Variants in DPY19L4 observed in about 807,000 individuals in gnomAD.
DPY19L4 encodes probable C-mannosyltransferase DPY19L4.
In DPY19L4, 97 loss-of-function variants were observed where a neutral mutation model predicts 102.8. That is an observed-to-expected ratio of 0.94 (90% confidence interval 0.80 to 1.12). The LOEUF (loss-of-function observed/expected upper bound fraction) is 1.12. Among genes scored for constraint, DPY19L4 ranks in the 50% most tolerant of loss-of-function variants. The pLI is 0.00. For synonymous variants in DPY19L4, 252 were observed against 283.1 expected (o/e 0.89, Z 1.10); for missense variants, 815 against 850.4 (o/e 0.96, Z 0.52).
chr8:94,773,139 G>A (rs980539865), intron 13 of DPY19L4, among the ~76,000 whole-genome samples: 1 of 151,232 alleles, frequency 6.6e-6, no homozygotes, highest in Non-Finnish European at 1.5e-5. Context: ...GCTTGAACCC[G>A]GGAGGCGGAG....
chr8:94,755,659 T>C (rs1563593565), intron 6 of DPY19L4, among the ~76,000 whole-genome samples: 1 of 149,328 alleles, frequency 6.7e-6, no homozygotes, highest in Non-Finnish European at 1.5e-5. Context: ...CTTTGGGAGG[T>C]CGAGGCGGGT....
Position 94,783,752 on chromosome 8 carries a change from A to G in DPY19L4, c.1798A>G (p.Thr600Ala), listed in dbSNP as rs1813534252. 6.2e-7 allele frequency: 1 copy of G among 1,614,184 alleles called. No homozygotes were observed. The highest frequency in any genetic ancestry group is 2.2e-5 in the East Asian group (1 of 44,872). Residue 600 changes from threonine to alanine, a missense_variant, in exon 17 of 19, where the codon ACA (threonine) becomes GCA (alanine). By Grantham distance (58) the Thr-to-Ala change is moderately conservative. Transcript: ENST00000414645. Reference protein sequence around the residue: ...AIKLCTGWMVTSLPLYNDDDL... With the variant: ...AIKLCTGWMVASLPLYNDDDL... ...TAAATTATGCACTGGATGGATGGTG[A>G]CAAGTTTGCCTCTTTACAATGATGA...
At chr8:94,783,901 C>A in intron 17 of DPY19L4, 99 bp downstream of exon 17, 3 of 1,337,880 alleles carry the variant, frequency 2.2e-6, no homozygotes, top group South Asian at 1.6e-5. Context: ...CTAGGAAAGT[C>A]CAAACAATTT....
At position 94,736,934 on chromosome 8, in the gene DPY19L4, G is replaced by C. The variant is rs78440573; in HGVS notation, c.253-1435G>C. ...TTGCTATTCTTAGGGCATGTCTTGTGGTTTTCCTTCTAGATTTTCCGGATA... is the reference window on the plus strand; with the variant it reads ...TTGCTATTCTTAGGGCATGTCTTGTCGTTTTCCTTCTAGATTTTCCGGATA... On this transcript the variant is annotated intron_variant, in intron 3 of 18. Coordinates refer to ENST00000414645, the MANE Select transcript of DPY19L4 (RefSeq NM_181787.3). Among the ~76,000 whole-genome samples, 34 of 152,080 alleles carry C rather than the reference G, an allele frequency of 2.2e-4. No individual in the cohort carries two copies. In the East Asian group the frequency reaches 5.8e-3, roughly 26 times the overall value.
intron 2 of DPY19L4, among the ~76,000 whole-genome samples, chr8:94,730,740 T>C (rs1351098653): frequency 1.4e-5 from 2 of 140,660 alleles, no homozygotes; most frequent in Admixed American, 1.4e-4. Flanking sequence ...AGCGAAACTC[T>C]GTCTCTTTTT....
At chr8:94,782,625 G>GA (rs1563617147) in intron 16 of DPY19L4, among the ~76,000 whole-genome samples, 1 of 151,756 alleles carries the variant, frequency 6.6e-6, no homozygotes, top group Non-Finnish European at 1.5e-5. Context: ...AAAAAGACCA[G>GA]AAAAATATGG....
intron 6 of DPY19L4, among the ~76,000 whole-genome samples, chr8:94,752,991 G>GTA (rs1238212657): frequency 6.9e-6 from 1 of 145,794 alleles, no homozygotes; most frequent in Non-Finnish European, 1.5e-5. Context: ...GGTTTTCTAT[G>GTA]TACACAGTAT....
intron 6 of DPY19L4, among the ~76,000 whole-genome samples, chr8:94,742,415 C>T (rs1169036677): frequency 6.6e-6 from 1 of 151,936 alleles, no homozygotes. Flanking sequence ...CTTTTTGAGA[C>T]AGAGTCTTAC....
intron 6 of DPY19L4, among the ~76,000 whole-genome samples, chr8:94,749,147 A>G (rs1040234838): frequency 3.3e-5 from 5 of 152,126 alleles, no homozygotes; most frequent in Non-Finnish European, 5.9e-5. Context: ...CCATGATTCA[A>G]TTACCTCCCA....
At chr8:94,774,039 TAAAAAAAAAAA>T (rs79751438) in intron 13 of DPY19L4, among the ~76,000 whole-genome samples, 2 of 102,782 alleles carry the variant, frequency 1.9e-5, no homozygotes, top group Admixed American at 1.2e-4. Context: ...TGTCTTTAGT[TAAAAAAAAAAA>T]AAAAAAAAAA....
chr8:94,765,718 T>C lies in DPY19L4; in HGVS notation c.1010T>C (p.Val337Ala), dbSNP rs752179534. 8.1e-6 allele frequency: 13 copies of C among 1,598,362 alleles called. No individual in the cohort carries two copies. Among genetic ancestry groups the C allele is most frequent in the Non-Finnish European group, 1.1e-5 (13 of 1,170,818 alleles). ...ATGATTTTTCCTCCACAGCTGAATG[T>C]GAAGAAAGGAAGTTTTGTAGCTAAA... is the stretch of plus-strand genomic sequence containing the variant. ...LMLAKCLQLN[V>A]KKGSFVAKII... Residue 337 changes from valine to alanine, a missense_variant, in exon 10 of 19, where the codon GTG becomes GCG. Val to Ala is a moderately conservative substitution (Grantham distance 64). Transcript: ENST00000414645.
chr8:94,788,857 C>T (rs979726614), intron 18 of DPY19L4, among the ~76,000 whole-genome samples: 5 of 152,200 alleles, frequency 3.3e-5, no homozygotes, highest in African/African-American at 4.8e-5. Context: ...CCTAAATAAT[C>T]ATAGCTCTTT....
At chr8:94,762,053 A>G (rs1374773354) in intron 8 of DPY19L4, among the ~76,000 whole-genome samples, 1 of 152,228 alleles carries the variant, frequency 6.6e-6, no homozygotes, top group Non-Finnish European at 1.5e-5. Flanking sequence ...TGAAAGTTTC[A>G]TAGAGATCGC....
At chr8:94,772,367 A>G (rs916235789) in intron 13 of DPY19L4, among the ~76,000 whole-genome samples, 2 of 152,164 alleles carry the variant, frequency 1.3e-5, no homozygotes, top group Non-Finnish European at 2.9e-5. Context: ...CTCAGGCTTG[A>G]TAACTAACAA....
chr8:94,785,823 G>T (rs1028402584), intron 17 of DPY19L4, among the ~76,000 whole-genome samples: 1 of 152,132 alleles, frequency 6.6e-6, no homozygotes, highest in Admixed American at 6.5e-5. Flanking sequence ...GCATATTCCT[G>T]AATTTTATTT....
chr8:94,777,702 A>T lies in DPY19L4; in HGVS notation c.1491A>T (p.Leu497Phe). 1 of 1,614,034 alleles carries T rather than the reference A, an allele frequency of 6.2e-7. No homozygotes were observed. Among genetic ancestry groups the T allele is most frequent in the Non-Finnish European group, 8.5e-7 (1 of 1,179,970 alleles). The change falls in exon 14 of 19, where the codon TTA becomes TTT. Residue 497 changes from leucine to phenylalanine, a missense_variant. Transcript: ENST00000414645. ...TCTGGATTCCTTATGTGTGCATGTT[A>T]GCAGCATTTGGTGTATGTTCTCCCG... ...KYIWIPYVCM[L>F]AAFGVCSPEL...
intron 2 of DPY19L4, among the ~76,000 whole-genome samples, chr8:94,733,631 T>A (rs745407420): frequency 7.3e-5 from 11 of 151,578 alleles, no homozygotes; most frequent in Non-Finnish European, 1.2e-4. Flanking sequence ...AACCTCCGCC[T>A]CCCAGGTTCA....
At chr8:94,755,871 C>CGA (rs1018238195) in intron 6 of DPY19L4, among the ~76,000 whole-genome samples, 165 bp from the exon 7 acceptor site, 1 of 150,310 alleles carries the variant, frequency 6.7e-6, no homozygotes, top group Non-Finnish European at 1.5e-5. Context: ...GACGACAGAG[C>CGA]GAGACTCCAT....
chr8:94,770,109 A>C (rs963952765), intron 12 of DPY19L4, among the ~76,000 whole-genome samples: 5 of 151,922 alleles, frequency 3.3e-5, no homozygotes, highest in African/African-American at 1.2e-4. Flanking sequence ...CTGGTCTCGA[A>C]CTCTTGACCT....
Sources: gnomAD v4.1 joint callset for allele counts (sites outside exome capture counted in the v4.1 genomes callset) on GRCh38, gnomAD v4.1.1 for gene constraint, MANE v1.5 for transcripts, NCBI Gene and HGNC (gene_info 2026-07-23, HGNC 2026-07-21) for gene names.